Variants in GABRA1 observed in about 807,000 individuals in gnomAD.
GABRA1 encodes gamma-aminobutyric acid type A receptor subunit alpha1, also known as gamma-aminobutyric acid receptor subunit alpha-1.
Under a neutral mutation model 48.9 loss-of-function variants are expected in GABRA1, and 9 were observed. The ratio of observed to expected loss-of-function variants is 0.18; its 90% CI spans 0.11 to 0.32. GABRA1 has a LOEUF of 0.32. GABRA1 is among the 10% of genes least tolerant of loss of function. The probability of loss-of-function intolerance (pLI) is 1.00; values close to 1 mark genes in which losing one functional copy is unlikely to be tolerated. For missense variants in GABRA1, 285 were observed against 553.8 expected (o/e 0.51, Z 4.87); for synonymous variants, 210 against 198.7 (o/e 1.06, Z -0.48).
chr5:161,875,142 T>G (rs1388166396), intron 5 of GABRA1, among the ~76,000 whole-genome samples: 2 of 152,186 alleles, frequency 1.3e-5, no homozygotes, highest in Non-Finnish European at 2.9e-5. Context: ...CAGAGAGAGA[T>G]GCACTTAGAA....
intron 3 of GABRA1, among the ~76,000 whole-genome samples, chr5:161,856,923 C>CT (rs940312645): frequency 4.7e-4 from 71 of 150,168 alleles, no homozygotes; most frequent in Middle Eastern, 3.4e-3. Flanking sequence ...ATTATTGTGG[C>CT]TTTTTTTTTA....
rs1554083720 is a variant in GABRA1, at chr5:161,850,858, C to T, written c.48C>T (p.Leu16=). The part of the protein sequence containing the change: ...GLSDCLWAWI[L]LLSTLTGRSY... Reference sequence around the variant, plus strand: ...CTGACTGTCTTTGGGCCTGGATCCTCCTTCTGAGCACACTGACTGGAAGAA... The same window carrying T: ...CTGACTGTCTTTGGGCCTGGATCCTTCTTCTGAGCACACTGACTGGAAGAA... Residue 16 remains leucine, a synonymous_variant, in exon 2 of 10, where the codon CTC becomes CTT. Transcript: ENST00000393943. The T allele has an allele frequency of 6.2e-7, 1 of 1,613,976 alleles. No individual in the cohort carries two copies. The highest frequency in any genetic ancestry group is 1.3e-5 in the African/African-American group (1 of 75,026).
chr5:161,887,814 T>G (rs1234201032), intron 7 of GABRA1, among the ~76,000 whole-genome samples: 1 of 151,786 alleles, frequency 6.6e-6, no homozygotes, highest in Non-Finnish European at 1.5e-5. Flanking sequence ...AGAAATAGAG[T>G]TTTTAAAAAG....
intron 6 of GABRA1, among the ~76,000 whole-genome samples, chr5:161,875,945 T>C (rs1754331939): frequency 6.6e-6 from 1 of 152,184 alleles, no homozygotes; most frequent in Non-Finnish European, 1.5e-5. Flanking sequence ...ACCTCATGGA[T>C]AATATTTTCC....
chr5:161,883,581 C>T (rs746337974), intron 7 of GABRA1, among the ~76,000 whole-genome samples: 4 of 151,984 alleles, frequency 2.6e-5, no homozygotes, highest in East Asian at 1.9e-4. Flanking sequence ...AAAGCTTTAA[C>T]GAGGGTCAAG....
Sources: allele counts gnomAD v4.1 joint callset (sites outside exome capture counted in the v4.1 genomes callset), GRCh38; gene constraint gnomAD v4.1.1; transcripts MANE v1.5; gene names NCBI Gene and HGNC (gene_info 2026-07-23, HGNC 2026-07-21).